The following SOX5 variants were observed in gnomAD, a reference collection of about 807,000 sequenced individuals.
The protein encoded by SOX5 is SRY-box transcription factor 5, also known as transcription factor SOX-5.
Under a neutral mutation model 92.0 loss-of-function variants are expected in SOX5, and 9 were observed. The ratio of observed to expected loss-of-function variants is 0.10; its 90% CI spans 0.06 to 0.17. The LOEUF is 0.17. Among genes scored for constraint, SOX5 ranks in the 10% least tolerant of loss-of-function variants. The pLI is 1.00. For missense variants in SOX5, 642 were observed against 944.5 expected (o/e 0.68, Z 4.20); for synonymous variants, 344 against 336.3 (o/e 1.02, Z -0.25).
chr12:24,129,586 C>T (rs1006061802), intron 4 of SOX5, among the ~76,000 whole-genome samples: 6 of 152,140 alleles, frequency 3.9e-5, no homozygotes, highest in South Asian at 2.1e-4. Context: ...GGAGGGTGAC[C>T]GTCCATTCCA....
chr12:23,993,928 T>C (rs1356231127), intron 4 of SOX5, among the ~76,000 whole-genome samples: 5 of 151,932 alleles, frequency 3.3e-5, no homozygotes, highest in Admixed American at 1.3e-4. Context: ...TGTATGCATG[T>C]ATGTGTGTAT....
chr12:23,779,955 C>CTGTGTG (rs10686652), intron 3 of SOX5, among the ~76,000 whole-genome samples: 4,064 of 136,490 alleles, frequency 0.03, 107 homozygotes, highest in South Asian at 0.08. Context: ...CACAGCGAGA[C>CTGTGTG]TGTGTGTGTG....
chr12:24,311,458 A>T (rs1235943821), intron 2 of SOX5, among the ~76,000 whole-genome samples: 3 of 152,132 alleles, frequency 2.0e-5, no homozygotes, highest in South Asian at 2.1e-4. Flanking sequence ...CCCTGCAAAC[A>T]CTATGTACCA....
chr12:24,329,110 T>C (rs1951021397), intron 2 of SOX5, among the ~76,000 whole-genome samples: 1 of 152,204 alleles, frequency 6.6e-6, no homozygotes, highest in African/African-American at 2.4e-5. Flanking sequence ...CTACCAAGGT[T>C]TATATTGTAA....
At chr12:23,653,072 A>G (rs962802178) in intron 7 of SOX5, among the ~76,000 whole-genome samples, 1 of 143,156 alleles carries the variant, frequency 7.0e-6, no homozygotes, top group African/African-American at 2.6e-5. Flanking sequence ...GGATGGATGG[A>G]TGGGTGGATG....
chr12:24,486,109 AT>A (rs376102424), intron 1 of SOX5, among the ~76,000 whole-genome samples: 14 of 151,488 alleles, frequency 9.2e-5, no homozygotes, highest in Admixed American at 8.6e-4. Flanking sequence ...CTAATTTTTA[AT>A]TTTTTTTGTA....
At chr12:23,917,560 A>T (rs934804207) in intron 1 of SOX5, among the ~76,000 whole-genome samples, 1 of 152,172 alleles carries the variant, frequency 6.6e-6, no homozygotes, top group Non-Finnish European at 1.5e-5. Context: ...CTCAAAAAAT[A>T]AAAGAAAATA....
chr12:24,274,578 CA>C (rs923032778), intron 3 of SOX5, among the ~76,000 whole-genome samples: 7 of 151,582 alleles, frequency 4.6e-5, no homozygotes, highest in African/African-American at 1.7e-4. Flanking sequence ...GAGACAGACC[CA>C]AACAATCTGT....
rs1951565842 is a variant in SOX5 at position 24,001,094 on chromosome 12, G to C, written c.-1-105070C>G. Among the ~76,000 whole-genome samples the C allele has an allele frequency of 2.0e-5, 3 of 152,036 alleles. No homozygotes were observed. In the South Asian group the frequency reaches 6.2e-4, roughly 32 times the overall value. On this transcript the variant is annotated intron_variant, in intron 4 of 4. Coordinates refer to the SOX5 transcript ENST00000446891. ...ATCATAGAGAGTATGATTTAAACTA[G>C]ATTTTAAAAAAATTGAGACAGGGTC...
chr12:24,019,220 C>T (rs1243877855), intron 4 of SOX5, among the ~76,000 whole-genome samples: 3 of 152,190 alleles, frequency 2.0e-5, no homozygotes, highest in Non-Finnish European at 4.4e-5. Flanking sequence ...AAGTGATCCT[C>T]CTTTGGCTTC....
intron 4 of SOX5, among the ~76,000 whole-genome samples, chr12:24,141,443 G>C (rs1188521230): frequency 1.3e-5 from 2 of 152,162 alleles, no homozygotes; most frequent in Non-Finnish European, 2.9e-5. Context: ...TTGATGAAAA[G>C]AACACAGGCC....
chr12:24,506,099 A>C (rs536029994), intron 1 of SOX5, among the ~76,000 whole-genome samples: 1 of 152,316 alleles, frequency 6.6e-6, no homozygotes, highest in Admixed American at 6.5e-5. Context: ...TGTGACCAAA[A>C]AATATTAATA....
At chr12:23,833,478 C>T (rs1388955670) in intron 3 of SOX5, among the ~76,000 whole-genome samples, 1 of 151,978 alleles carries the variant, frequency 6.6e-6, no homozygotes, top group Admixed American at 6.6e-5. Flanking sequence ...ATTCACTTCT[C>T]ACTTTACCTA....
intron 6 of SOX5, among the ~76,000 whole-genome samples, chr12:23,680,358 A>G (rs1485153203): frequency 2.0e-5 from 3 of 150,752 alleles, no homozygotes; most frequent in Admixed American, 6.6e-5. Flanking sequence ...GAAAAATATA[A>G]TAACAGAAAT....
At chr12:23,600,141 A>C (rs537886915) in intron 9 of SOX5, among the ~76,000 whole-genome samples, 109 of 152,184 alleles carry the variant, frequency 7.2e-4, no homozygotes, top group Non-Finnish European at 1.4e-3. Flanking sequence ...TACCTCAATT[A>C]AATAATTTTC....
chr12:24,314,865 G>C (rs1320100009), intron 2 of SOX5, among the ~76,000 whole-genome samples: 1 of 152,182 alleles, frequency 6.6e-6, no homozygotes, highest in East Asian at 1.9e-4. Flanking sequence ...TTGGTACACA[G>C]AATTGTGCCT....
chr12:23,872,701 A>T (rs2096888135), intron 2 of SOX5, among the ~76,000 whole-genome samples: 1 of 152,230 alleles, frequency 6.6e-6, no homozygotes, highest in South Asian at 2.1e-4. Flanking sequence ...ACCATTTGGT[A>T]ACCATTTAAT....
chr12:23,970,915 G>A (rs1948248258), intron 4 of SOX5, among the ~76,000 whole-genome samples: 1 of 137,658 alleles, frequency 7.3e-6, no homozygotes, highest in South Asian at 2.4e-4. Flanking sequence ...TCAGCCCTCT[G>A]AGTAGCTGAG....
chr12:24,111,705 A>C (rs895793994), intron 4 of SOX5, among the ~76,000 whole-genome samples: 1 of 152,180 alleles, frequency 6.6e-6, no homozygotes, highest in African/African-American at 2.4e-5. Context: ...AAATTATCAA[A>C]GCTGAAAAAA....
Sources: gnomAD v4.1 joint callset for allele counts (sites outside exome capture counted in the v4.1 genomes callset) on GRCh38, gnomAD v4.1.1 for gene constraint, MANE v1.5 for transcripts, NCBI Gene and HGNC (gene_info 2026-07-23, HGNC 2026-07-21) for gene names.